Variants in RBFOX1 observed in about 807,000 individuals in gnomAD.
RBFOX1 encodes the protein RNA binding protein fox-1 homolog 1.
In RBFOX1, 8 loss-of-function variants were observed where a neutral mutation model predicts 57.7. That is an observed-to-expected ratio of 0.14 (90% CI 0.08 to 0.25). The LOEUF (loss-of-function observed/expected upper bound fraction) is 0.25. RBFOX1 is among the 10% of genes least tolerant of loss of function. The pLI, the probability that RBFOX1 is intolerant of heterozygous loss-of-function variation, is 1.00. For missense variants in RBFOX1, 611 were observed against 548.5 expected (o/e 1.11, Z -1.14); for synonymous variants, 326 against 222.4 (o/e 1.47, Z -4.15).
At chr16:6,712,883 G>GTTTTT (rs61328266) in intron 3 of RBFOX1, among the ~76,000 whole-genome samples, 1 of 83,016 alleles carries the variant, frequency 1.2e-5, no homozygotes, top group African/African-American at 4.0e-5. Flanking sequence ...TCATGGGGGT[G>GTTTTT]TTTTTTTTTT....
intron 4 of RBFOX1, among the ~76,000 whole-genome samples, chr16:7,219,567 C>T (rs1381110160): frequency 6.6e-6 from 1 of 152,094 alleles, no homozygotes; most frequent in Non-Finnish European, 1.5e-5. Flanking sequence ...TTTTGTAGTG[C>T]CCAGAAAATA....
At chr16:6,633,363 C>T (rs1280606568) in intron 2 of RBFOX1, among the ~76,000 whole-genome samples, 3 of 152,252 alleles carry the variant, frequency 2.0e-5, no homozygotes, top group East Asian at 3.9e-4. Flanking sequence ...CTGCAACCTC[C>T]TCCTCCCAGG....
chr16:5,866,774 T>C (rs2057352897), intron 3 of RBFOX1, among the ~76,000 whole-genome samples: 3 of 152,232 alleles, frequency 2.0e-5, no homozygotes, highest in Admixed American at 6.5e-5. Flanking sequence ...TTCAAGGGTT[T>C]AAATGAGATA....
chr16:6,251,161 A>G (rs903720590), intron 1 of RBFOX1, among the ~76,000 whole-genome samples: 3 of 152,182 alleles, frequency 2.0e-5, no homozygotes, highest in Non-Finnish European at 4.4e-5. Flanking sequence ...TACAGTAATA[A>G]TAACACTAGC....
chr16:6,380,387 G>A (rs1012620921), intron 2 of RBFOX1, among the ~76,000 whole-genome samples: 6 of 129,094 alleles, frequency 4.6e-5, no homozygotes, highest in Non-Finnish European at 9.5e-5. Context: ...TGTGAGTGGT[G>A]AATGGTGGGG....
intron 3 of RBFOX1, among the ~76,000 whole-genome samples, chr16:5,628,024 G>A (rs182826397): frequency 8.5e-4 from 129 of 152,338 alleles, no homozygotes; most frequent in African/African-American, 3.1e-3. Flanking sequence ...TGCCATCAGA[G>A]AGAGGAATTC....
chr16:6,304,939 C>T (rs1183448836), intron 1 of RBFOX1, among the ~76,000 whole-genome samples: 1 of 145,664 alleles, frequency 6.9e-6, no homozygotes, highest in East Asian at 2.1e-4. Context: ...AAACCTGTTG[C>T]ACAATTTCTC....
intron 3 of RBFOX1, among the ~76,000 whole-genome samples, chr16:5,642,163 A>C (rs374697664): frequency 6.6e-6 from 1 of 152,308 alleles, no homozygotes; most frequent in African/African-American, 2.4e-5. Flanking sequence ...GTGCTCATTG[A>C]ATCAGTCTGT....
intron 1 of RBFOX1, among the ~76,000 whole-genome samples, chr16:5,423,165 A>C (rs961388488): frequency 1.3e-5 from 2 of 151,968 alleles, no homozygotes; most frequent in African/African-American, 4.8e-5. Context: ...TTATGGACTC[A>C]AGAAGTTACA....
chr16:6,950,255 G>T (rs1279136960), intron 3 of RBFOX1, among the ~76,000 whole-genome samples: 1 of 151,774 alleles, frequency 6.6e-6, no homozygotes, highest in Non-Finnish European at 1.5e-5. Context: ...ACCATGTCCG[G>T]CCAGCACATT....
At chr16:5,442,576 G>A (rs2068116841) in intron 1 of RBFOX1, among the ~76,000 whole-genome samples, 2 of 152,178 alleles carry the variant, frequency 1.3e-5, no homozygotes, top group South Asian at 4.1e-4. Flanking sequence ...CCGAGGGAAG[G>A]GAGGACAGCC....
chr16:6,668,896 CAG>C (rs1766269829), intron 3 of RBFOX1, among the ~76,000 whole-genome samples: 1 of 152,160 alleles, frequency 6.6e-6, no homozygotes, highest in Non-Finnish European at 1.5e-5. Flanking sequence ...TAATCAAGCA[CAG>C]AGCTATTTTT....
chr16:6,177,115 C>T (rs1486902596), intron 1 of RBFOX1, among the ~76,000 whole-genome samples: 15 of 151,686 alleles, frequency 9.9e-5, no homozygotes, highest in Admixed American at 2.6e-4. Flanking sequence ...TTTGTTGTTC[C>T]GGTGATTTTG....
intron 1 of RBFOX1, among the ~76,000 whole-genome samples, chr16:6,289,338 T>C (rs1431532912): frequency 2.6e-5 from 4 of 152,132 alleles, no homozygotes; most frequent in Admixed American, 6.6e-5. Context: ...AATCTACCTG[T>C]GACTGGTGAT....
At chr16:6,725,480 C>T (rs148915399) in intron 3 of RBFOX1, among the ~76,000 whole-genome samples, 1 of 152,146 alleles carries the variant, frequency 6.6e-6, no homozygotes, top group African/African-American at 2.4e-5. Context: ...CAGTGGGTCT[C>T]AGCCTTAGGG....
At chr16:6,079,883 T>C (rs1358315443) in intron 1 of RBFOX1, among the ~76,000 whole-genome samples, 2 of 152,160 alleles carry the variant, frequency 1.3e-5, no homozygotes, top group East Asian at 3.9e-4. Context: ...AATAATTCCT[T>C]CCAATACAAA....
At chr16:6,999,229 A>T (rs8046976) in intron 3 of RBFOX1, among the ~76,000 whole-genome samples, 6,582 of 62,276 alleles carry the variant, frequency 0.11, 90 homozygotes, top group Non-Finnish European at 0.13. Flanking sequence ...TTTTTTATTT[A>T]TTTTTTTTTT....
At chr16:5,372,302 A>T (rs1349273987) in intron 1 of RBFOX1, among the ~76,000 whole-genome samples, 1 of 152,202 alleles carries the variant, frequency 6.6e-6, no homozygotes, top group Non-Finnish European at 1.5e-5. Flanking sequence ...CACATGGGTG[A>T]ACTCAGTGAA....
intron 3 of RBFOX1, among the ~76,000 whole-genome samples, chr16:6,978,062 G>A (rs549651987): frequency 1.4e-5 from 1 of 73,404 alleles, no homozygotes; most frequent in East Asian, 3.6e-4. Context: ...AACCTGCCCC[G>A]TACCCCGCCC....
Sources: gnomAD v4.1 joint callset for allele counts (sites outside exome capture counted in the v4.1 genomes callset) on GRCh38, gnomAD v4.1.1 for gene constraint, MANE v1.5 for transcripts, NCBI Gene and HGNC (gene_info 2026-07-23, HGNC 2026-07-21) for gene names.